Variants in SVEP1 observed in about 807,000 individuals in gnomAD.
The protein encoded by SVEP1 is sushi, von Willebrand factor type A, EGF and pentraxin domain containing 1, also known as sushi, von Willebrand factor type A, EGF and pentraxin domain-containing protein 1.
A neutral mutation model predicts 367.3 loss-of-function variants in SVEP1; 164 were observed. The ratio of observed to expected loss-of-function variants is 0.45; its 90% CI spans 0.39 to 0.51. The LOEUF (loss-of-function observed/expected upper bound fraction) is 0.51, where lower values mean the gene tolerates loss of function less well. SVEP1 is among the 20% of genes least tolerant of loss of function. The pLI, the probability that SVEP1 is intolerant of heterozygous loss-of-function variation, is 0.00. For missense variants in SVEP1, 4,117 were observed against 4,425.3 expected (o/e 0.93, Z 1.98); for synonymous variants, 1,666 against 1,611.6 (o/e 1.03, Z -0.81).
At position 110,427,580 on chromosome 9, in the gene SVEP1, G is replaced by T. The variant is rs142950753; in HGVS notation, c.5975+11C>A. The T allele has an allele frequency of 2.1e-4, 338 of 1,610,372 alleles. 3 individuals carry two copies. The highest frequency in any genetic ancestry group is 1.0e-3 in the Middle Eastern group (6 of 6,030). ...CTCTCAATGATCCTTTCCTTCACAG[G>T]CCCTACTCACCCTTCTTTGCAAGTG... On this transcript the variant is annotated intron_variant, in intron 36 of 47. Transcript: ENST00000374469.
chr9:110,485,580 A>T lies in SVEP1; in HGVS notation c.1931-1887T>A, dbSNP rs565829526. 8.5e-5 allele frequency among the ~76,000 whole-genome samples: 13 copies of T among 152,328 alleles called. No homozygotes were observed. In the South Asian group the frequency reaches 2.5e-3, roughly 29 times the overall value. On this transcript the variant is annotated intron_variant, in intron 9 of 47. Transcript: ENST00000374469. ...GCACATCCTGCACTTGTATCCTGGA[A>T]CTTAAAATTAAATTAAATTAAAAAG...
chr9:110,373,513 T>C (rs1460364816), intron 46 of SVEP1, among the ~76,000 whole-genome samples: 1 of 152,158 alleles, frequency 6.6e-6, no homozygotes, highest in Non-Finnish European at 1.5e-5. Context: ...AAGCCCTGTC[T>C]ATACTTTACA....
intron 16 of SVEP1, 83 bp downstream of exon 16, chr9:110,471,281 C>A: frequency 9.2e-7 from 1 of 1,089,340 alleles, no homozygotes; most frequent in Non-Finnish European, 1.3e-6. Flanking sequence ...TTTCAATATC[C>A]CTTTATAGTT....
In SVEP1 at chr9:110,408,463, A is replaced by G; in HGVS notation, c.7137T>C (p.Val2379=). 6.2e-7 allele frequency: 1 copy of G among 1,613,988 alleles called. No individual in the cohort carries two copies. Among genetic ancestry groups the G allele is most frequent in the Non-Finnish European group, 8.5e-7 (1 of 1,179,872 alleles). Residue 2379 remains valine (V), a synonymous_variant, in exon 38 of 48, where the codon GTT becomes GTC. Transcript: ENST00000374469. ...WNDSFPVCKI[V]LCTPPPLISF... is the part of the protein sequence containing the mutation. ...AAATTAGGGGAGGTGGGGTACAAAGAACAATCTTACAAACAGGGAAAGAGT... is the reference window on the plus strand; with the variant it reads ...AAATTAGGGGAGGTGGGGTACAAAGGACAATCTTACAAACAGGGAAAGAGT...
chr9:110,498,728 C>A (rs896272240), intron 7 of SVEP1, among the ~76,000 whole-genome samples: 4 of 152,108 alleles, frequency 2.6e-5, no homozygotes, highest in African/African-American at 9.7e-5. Context: ...TTTTGAAAAT[C>A]AATTCAGTCT....
chr9:110,448,152 C>CGTGTGTGT (rs369931491), intron 24 of SVEP1, among the ~76,000 whole-genome samples: 1 of 138,754 alleles, frequency 7.2e-6, no homozygotes, highest in Non-Finnish European at 1.6e-5. Context: ...TGTGTGTGCG[C>CGTGTGTGT]GTGTGTGTGT....
At chr9:110,433,636 C>T (rs368485250) in intron 30 of SVEP1, among the ~76,000 whole-genome samples, 2 of 151,546 alleles carry the variant, frequency 1.3e-5, no homozygotes, top group South Asian at 4.2e-4. Context: ...TACGCCTGGC[C>T]AATTTTTGTA....
intron 36 of SVEP1, among the ~76,000 whole-genome samples, chr9:110,414,804 G>A (rs984989502): frequency 6.6e-6 from 1 of 151,826 alleles, no homozygotes; most frequent in Admixed American, 6.6e-5. Context: ...TTAAACGGCT[G>A]CAATTTAATA....
intron 32 of SVEP1, among the ~76,000 whole-genome samples, chr9:110,430,692 C>A (rs889693074): frequency 1.3e-5 from 2 of 152,160 alleles, no homozygotes; most frequent in Non-Finnish European, 2.9e-5. Flanking sequence ...CATAATTTTT[C>A]TGGCTGCAAA....
chr9:110,425,774 G>T (rs529426105), intron 36 of SVEP1, among the ~76,000 whole-genome samples: 42 of 152,136 alleles, frequency 2.8e-4, no homozygotes, highest in African/African-American at 9.9e-4. Flanking sequence ...AGAGGAAAAG[G>T]TATAAATCTG....
chr9:110,451,033 T>A (rs546554066), intron 23 of SVEP1, among the ~76,000 whole-genome samples: 94 of 152,268 alleles, frequency 6.2e-4, no homozygotes, highest in African/African-American at 2.2e-3. Flanking sequence ...TCTTGAAAGT[T>A]TGCCTTTACA....
At chr9:110,396,841 G>A (rs1827770718) in intron 40 of SVEP1, among the ~76,000 whole-genome samples, 1 of 152,122 alleles carries the variant, frequency 6.6e-6, no homozygotes, top group East Asian at 1.9e-4. Flanking sequence ...TGAAATTGAG[G>A]CAATAATCAA....
At position 110,472,312 on chromosome 9, in the gene SVEP1, A is replaced by T; in HGVS notation, c.2611T>A (p.Trp871Arg). 6.3e-7 allele frequency: 1 copy of T among 1,595,630 alleles called. No individual in the cohort carries two copies. The change falls in exon 15 of 48, where the codon TGG becomes AGG. Residue 871 changes from tryptophan to arginine, a missense_variant. Around this residue, in one of 4 missense-constraint regions of SVEP1, gnomAD observed 2,174 missense variants for 2,494.3 expected, o/e 0.87. Transcript: ENST00000374469. ...ENGFAIGPGG[W>R]GAANRLDYSY... ...TAATCCAGCCTATTAGCTGCACCCC[A>T]GCCACCTGGTCCTGGATAGTCGGGG... is the stretch of plus-strand genomic sequence containing the variant.
At chr9:110,576,883 T>C (rs899449020) in intron 1 of SVEP1, among the ~76,000 whole-genome samples, 4 of 151,806 alleles carry the variant, frequency 2.6e-5, no homozygotes, top group East Asian at 2.0e-4. Flanking sequence ...CAACTGCTTA[T>C]TCATTTAAAA....
chr9:110,520,045 G>C (rs1045354828), intron 3 of SVEP1, among the ~76,000 whole-genome samples: 5 of 152,102 alleles, frequency 3.3e-5, no homozygotes, highest in African/African-American at 1.2e-4. Flanking sequence ...TTAAAATAAT[G>C]CTGCATGAAA....
At chr9:110,498,836 C>A (rs187942067) in intron 7 of SVEP1, among the ~76,000 whole-genome samples, 1 of 152,228 alleles carries the variant, frequency 6.6e-6, no homozygotes, top group African/African-American at 2.4e-5. Context: ...TTGTGTATTT[C>A]TTCTGTCATT....
intron 7 of SVEP1, among the ~76,000 whole-genome samples, chr9:110,498,419 T>A (rs1248348986): frequency 1.3e-5 from 2 of 152,160 alleles, no homozygotes; most frequent in Admixed American, 1.3e-4. Flanking sequence ...TCAACTTCCA[T>A]CTTTTTGGTT....
intron 18 of SVEP1, among the ~76,000 whole-genome samples, chr9:110,465,363 G>A (rs1828918943): frequency 1.3e-5 from 2 of 151,832 alleles, no homozygotes; most frequent in Non-Finnish European, 2.9e-5. Flanking sequence ...CTCTGGGAGA[G>A]AGGATCAGGT....
chr9:110,458,635 C>T, intron 19 of SVEP1, 73 bp from the exon 20 acceptor site: 3 of 1,419,176 alleles, frequency 2.1e-6, no homozygotes, highest in Non-Finnish European at 1.9e-6. Flanking sequence ...ACACTATGGT[C>T]AAGATTCTGG....
Sources: gnomAD v4.1 joint callset for allele counts (sites outside exome capture counted in the v4.1 genomes callset) on GRCh38, gnomAD v4.1.1 for gene constraint, gnomAD v4.1.1 regional missense constraint, MANE v1.5 for transcripts, NCBI Gene and HGNC (gene_info 2026-07-23, HGNC 2026-07-21) for gene names.